Variants in ADAMTS3 observed in about 807,000 individuals in gnomAD.
ADAMTS3 encodes A disintegrin and metalloproteinase with thrombospondin motifs 3.
ADAMTS3 carries 73 observed loss-of-function variants against 129.0 expected under a neutral mutation model. The ratio of observed to expected loss-of-function variants is 0.57; its 90% CI spans 0.47 to 0.69. The LOEUF is 0.69. Ranked by LOEUF, ADAMTS3 falls within the 30% of genes least tolerant of loss-of-function variation. The probability of loss-of-function intolerance (pLI) is 0.00; values close to 1 mark genes in which losing one functional copy is unlikely to be tolerated. For missense variants in ADAMTS3, 1,457 were observed against 1,514.5 expected (o/e 0.96, Z 0.63); for synonymous variants, 477 against 510.8 (o/e 0.93, Z 0.89).
In ADAMTS3 at chr4:72,545,332, G is replaced by A. The variant is rs538628286; in HGVS notation, c.504+3146C>T. On this transcript the variant is annotated intron_variant, in intron 3 of 21. Coordinates refer to ENST00000286657, the MANE Select transcript of ADAMTS3 (RefSeq NM_014243.3). The stretch of plus-strand genomic sequence containing the variant: ...GCCTATTTGAAGAAGGAGGAAAGGT[G>A]GATGATGTATCCAATAGCTCAGACC... Among the ~76,000 whole-genome samples the A allele has an allele frequency of 3.9e-5, 6 of 152,226 alleles. No individual in the cohort carries two copies. In the South Asian group the frequency reaches 1.2e-3, roughly 32 times the overall value.
At chr4:72,445,000 AC>A (rs1164648895) in intron 3 of ADAMTS3, among the ~76,000 whole-genome samples, 5 of 151,664 alleles carry the variant, frequency 3.3e-5, no homozygotes, top group Non-Finnish European at 1.5e-5. Flanking sequence ...AGGCAAATCC[AC>A]AGAGACAGAA....
chr4:72,355,699 T>C (rs945129965), intron 4 of ADAMTS3, among the ~76,000 whole-genome samples: 3 of 152,036 alleles, frequency 2.0e-5, no homozygotes, highest in East Asian at 1.9e-4. Flanking sequence ...CTTCACCAGA[T>C]AGCGGTGTTG....
chr4:72,339,644 G>A lies in ADAMTS3; in HGVS notation c.711C>T (p.Ile237=), dbSNP rs750136937. 3 of 1,613,762 alleles carry A rather than the reference G, an allele frequency of 1.9e-6. No individual in the cohort carries two copies. The highest frequency in any genetic ancestry group is 1.7e-5 in the Admixed American group (1 of 59,970). Residue 237 remains isoleucine, a synonymous_variant, in exon 5 of 22, where the codon ATC becomes ATT. Coordinates refer to ENST00000286657, the MANE Select transcript of ADAMTS3 (RefSeq NM_014243.3). The part of the protein sequence containing the change: ...LDDLGTVYGN[I]HQQLNETMRR... ...TCATTGTTTCATTCAGCTGCTGGTG[G>A]ATGTTGCCATAAACAGTACCTAGAT...
At chr4:72,494,092 T>C (rs939892875) in intron 3 of ADAMTS3, among the ~76,000 whole-genome samples, 1 of 152,180 alleles carries the variant, frequency 6.6e-6, no homozygotes, top group Non-Finnish European at 1.5e-5. Flanking sequence ...TTTACAGCTT[T>C]CATGAACTAG....
intron 3 of ADAMTS3, among the ~76,000 whole-genome samples, chr4:72,548,180 A>G (rs984427860): frequency 1.3e-5 from 2 of 152,190 alleles, no homozygotes; most frequent in African/African-American, 4.8e-5. Context: ...CAAAATAAGG[A>G]AATAAAATCT....
chr4:72,381,921 G>A (rs1350158282), intron 4 of ADAMTS3, among the ~76,000 whole-genome samples: 1 of 152,180 alleles, frequency 6.6e-6, no homozygotes, highest in African/African-American at 2.4e-5. Flanking sequence ...ATCAGGATCT[G>A]AGGATATATG....
intron 3 of ADAMTS3, among the ~76,000 whole-genome samples, chr4:72,495,728 T>TAC (rs35971274): frequency 7.5e-4 from 1 of 1,332 alleles, no homozygotes; most frequent in Admixed American, 0.024. Context: ...CACAGTAACC[T>TAC]ATATATATTA....
chr4:72,543,712 C>T (rs570145497), intron 3 of ADAMTS3, among the ~76,000 whole-genome samples: 16 of 151,906 alleles, frequency 1.1e-4, no homozygotes, highest in South Asian at 4.2e-4. Flanking sequence ...GGCTATAGGG[C>T]GGTAGAAATG....
chr4:72,324,983 CATA>C lies in ADAMTS3; in HGVS notation c.862-1889_862-1887del, dbSNP rs773752910. On this transcript the variant is annotated intron_variant, in intron 5 of 21. Coordinates refer to ENST00000286657, the MANE Select transcript of ADAMTS3 (RefSeq NM_014243.3). Reference sequence around the variant, plus strand: ...TTTTTCTGAGTCTCAATAAAATGGACATAATAAAAATAATATCTCATAGGGTTA... The same window carrying C: ...TTTTTCTGAGTCTCAATAAAATGGACATAAAAATAATATCTCATAGGGTTA... 3.9e-5 allele frequency among the ~76,000 whole-genome samples: 6 copies of C among 151,918 alleles called. No homozygotes were observed. The East Asian group carries it at 5.8e-4, about 15-fold the overall frequency.
intron 4 of ADAMTS3, among the ~76,000 whole-genome samples, chr4:72,344,560 C>A (rs1720228348): frequency 6.6e-6 from 1 of 152,122 alleles, no homozygotes; most frequent in Admixed American, 6.6e-5. Context: ...CACTCCCAAT[C>A]TCCCTGTGAC....
intron 17 of ADAMTS3, among the ~76,000 whole-genome samples, chr4:72,299,257 G>A (rs966191183): frequency 6.6e-6 from 1 of 152,034 alleles, no homozygotes; most frequent in East Asian, 1.9e-4. Context: ...ATGGGAACTT[G>A]CTTGGTGGGT....
At chr4:72,458,112 C>T (rs1358431742) in intron 3 of ADAMTS3, among the ~76,000 whole-genome samples, 1 of 151,424 alleles carries the variant, frequency 6.6e-6, no homozygotes, top group Non-Finnish European at 1.5e-5. Flanking sequence ...GGTGATGGCC[C>T]AGGTGATAAT....
intron 2 of ADAMTS3, 150 bp from the exon 3 acceptor site, chr4:72,549,034 G>A (rs1721544076): frequency 1.5e-6 from 1 of 655,672 alleles, no homozygotes; most frequent in Non-Finnish European, 2.4e-6. Flanking sequence ...ATTAAATTTT[G>A]AGAACAAAAA....
At chr4:72,338,649 G>A (rs917165583) in intron 5 of ADAMTS3, among the ~76,000 whole-genome samples, 1 of 152,078 alleles carries the variant, frequency 6.6e-6, no homozygotes, top group Non-Finnish European at 1.5e-5. Context: ...AAAGTTGTGA[G>A]GGGGGAGGGT....
intron 17 of ADAMTS3, among the ~76,000 whole-genome samples, chr4:72,300,081 T>C (rs903714629): frequency 6.6e-6 from 1 of 152,176 alleles, no homozygotes; most frequent in Non-Finnish European, 1.5e-5. Flanking sequence ...GTAGAGGATC[T>C]GGTTATCTGG....
chr4:72,374,165 TA>T, intron 4 of ADAMTS3, among the ~76,000 whole-genome samples: 1 of 152,016 alleles, frequency 6.6e-6, no homozygotes, highest in East Asian at 1.9e-4. Flanking sequence ...TTTAGCAACA[TA>T]AAAAAGTACA....
chr4:72,553,456 T>C (rs1420452208), intron 2 of ADAMTS3, among the ~76,000 whole-genome samples: 1 of 152,130 alleles, frequency 6.6e-6, no homozygotes, highest in East Asian at 1.9e-4. Flanking sequence ...ACCCAGAAGT[T>C]AGGGTCCCTA....
At position 72,315,762 on chromosome 4, in the gene ADAMTS3, A is replaced by T. The variant is rs544754524; in HGVS notation, c.1599+96T>A. ...CTTGCATACTATGGTTTTCATAAAAATGACAGTGCAGCTGTGTTTACCATT... is the reference window on the plus strand; with the variant it reads ...CTTGCATACTATGGTTTTCATAAAATTGACAGTGCAGCTGTGTTTACCATT... On this transcript the variant is annotated intron_variant, in intron 11 of 21. Coordinates refer to ENST00000286657, the MANE Select transcript of ADAMTS3 (RefSeq NM_014243.3). 20 of 742,408 alleles carry T rather than the reference A, an allele frequency of 2.7e-5. No individual in the cohort carries two copies. In the South Asian group the frequency reaches 3.9e-4, roughly 14 times the overall value. The allele number at this position is 742,408 out of a possible 1,614,324, so 46.0% of individuals were successfully genotyped here.
At chr4:72,531,744 A>G (rs1721048593) in intron 3 of ADAMTS3, among the ~76,000 whole-genome samples, 1 of 152,190 alleles carries the variant, frequency 6.6e-6, no homozygotes, top group African/African-American at 2.4e-5. Context: ...ACCAAATAAC[A>G]GCACCAATAT....
Sources: allele counts gnomAD v4.1 joint callset (sites outside exome capture counted in the v4.1 genomes callset), GRCh38; gene constraint gnomAD v4.1.1; transcripts MANE v1.5; gene names NCBI Gene and HGNC (gene_info 2026-07-23, HGNC 2026-07-21).